ATP2B2: variants seen among roughly 807,000 people sequenced by gnomAD.
The protein encoded by ATP2B2 is plasma membrane calcium-transporting ATPase 2.
In ATP2B2, 15 loss-of-function variants were observed where a neutral mutation model predicts 120.0. The observed-to-expected ratio is 0.12, with a 90% CI of 0.08 to 0.19. ATP2B2 has a LOEUF of 0.19. Among genes scored for constraint, ATP2B2 ranks in the 10% least tolerant of loss-of-function variants. The pLI, the probability that ATP2B2 is intolerant of heterozygous loss-of-function variation, is 1.00. For missense variants in ATP2B2, 1,045 were observed against 1,719.8 expected (o/e 0.61, Z 6.94); for synonymous variants, 694 against 700.3 (o/e 0.99, Z 0.14).
intron 8 of ATP2B2, among the ~76,000 whole-genome samples, chr3:10,382,853 T>A (rs889982921): frequency 6.6e-6 from 1 of 151,926 alleles, no homozygotes; most frequent in Admixed American, 6.6e-5. Flanking sequence ...ACCCTAATTT[T>A]TTTTTTCCAT....
Position 10,449,837 on chromosome 3 carries a change from A to G in ATP2B2, c.-294T>C. On this transcript the variant is annotated 5_prime_UTR_variant, in exon 2 of 23. The change abolishes an upstream ATG in the 5' untranslated region. Coordinates refer to ENST00000360273, the MANE Select transcript of ATP2B2 (RefSeq NM_001001331.4). Reference sequence around the variant, plus strand: ...GCCCATGCTGCTCCCTGGAACTGGCATCTACATGGTCAGGGGTGGTGGCTC... The same window carrying G: ...GCCCATGCTGCTCCCTGGAACTGGCGTCTACATGGTCAGGGGTGGTGGCTC... 6.3e-6 allele frequency: 3 copies of G among 475,056 alleles called. No homozygotes were observed. The highest frequency in any genetic ancestry group is 1.2e-5 in the Non-Finnish European group (3 of 257,516). 29.4% of individuals were successfully genotyped at this position (475,056 alleles called of 1,614,324 possible). A position where few individuals can be genotyped will look rare whatever the true frequency, so the allele number is the denominator to read the frequency against.
Position 10,698,034 on chromosome 3 carries a change from T to C in ATP2B2, c.-460+9881A>G, listed in dbSNP as rs1325229090. 1.3e-5 allele frequency among the ~76,000 whole-genome samples: 2 copies of C among 152,200 alleles called. 1 individual carries two copies. Among genetic ancestry groups the C allele is most frequent in the East Asian group, 3.8e-4 (2 of 5,196 alleles). ...CTGCTCCCCAGTGGACACTCCCTCC[T>C]ACTTCCTGGCTGGCAGAGCCCTGAC... On this transcript the variant is annotated intron_variant, in intron 1 of 21. Transcript: ENST00000646379.
chr3:10,664,374 C>G (rs1344775394), intron 1 of ATP2B2, among the ~76,000 whole-genome samples: 1 of 152,178 alleles, frequency 6.6e-6, no homozygotes, highest in Non-Finnish European at 1.5e-5. Context: ...ACCTGCACCA[C>G]ATACCCCCTC....
chr3:10,424,042 G>A (rs1207503281), intron 2 of ATP2B2, among the ~76,000 whole-genome samples: 1 of 152,200 alleles, frequency 6.6e-6, no homozygotes, highest in East Asian at 1.9e-4. Flanking sequence ...GATCTCAAGT[G>A]GCTCCTTCAA....
chr3:10,374,694 G>A (rs2061335965), intron 11 of ATP2B2, among the ~76,000 whole-genome samples: 1 of 152,226 alleles, frequency 6.6e-6, no homozygotes, highest in South Asian at 2.1e-4. Flanking sequence ...CGCAGTGACT[G>A]GGCACTGCAG....
chr3:10,367,274 C>T (rs972695136), intron 12 of ATP2B2, among the ~76,000 whole-genome samples: 1 of 151,970 alleles, frequency 6.6e-6, no homozygotes, highest in Admixed American at 6.5e-5. Context: ...AATACTCTTG[C>T]CCCCTGCCTG....
intron 2 of ATP2B2, among the ~76,000 whole-genome samples, chr3:10,579,596 G>T (rs1408630170): frequency 6.6e-6 from 1 of 152,158 alleles, no homozygotes; most frequent in Non-Finnish European, 1.5e-5. Flanking sequence ...AGCACCTGAG[G>T]TCAGGAGTTC....
chr3:10,665,149 GC>G (rs1044040611), intron 1 of ATP2B2, among the ~76,000 whole-genome samples: 12 of 152,166 alleles, frequency 7.9e-5, no homozygotes, highest in African/African-American at 2.7e-4. Context: ...CCTGCTCTGA[GC>G]CCCCTGAAGC....
intron 2 of ATP2B2, among the ~76,000 whole-genome samples, chr3:10,441,727 G>A (rs570418460): frequency 2.6e-5 from 4 of 152,340 alleles, no homozygotes; most frequent in African/African-American, 9.6e-5. Flanking sequence ...GCACATACTA[G>A]GTGCATAACA....
intron 8 of ATP2B2, among the ~76,000 whole-genome samples, chr3:10,383,218 C>CACATTTTGAAT (rs1249675620): frequency 3.3e-5 from 5 of 151,898 alleles, no homozygotes; most frequent in Non-Finnish European, 5.9e-5. Context: ...GTCCTGTGAT[C>CACATTTTGAAT]ACATTTTGAA....
intron 1 of ATP2B2, among the ~76,000 whole-genome samples, chr3:10,484,107 G>C (rs1400561108): frequency 1.3e-5 from 2 of 152,196 alleles, no homozygotes; most frequent in Non-Finnish European, 2.9e-5. Context: ...GCGGGGTGCT[G>C]TCTAAGGTCT....
chr3:10,351,363 AC>A (rs1277448714), intron 14 of ATP2B2, among the ~76,000 whole-genome samples: 1 of 152,160 alleles, frequency 6.6e-6, no homozygotes, highest in African/African-American at 2.4e-5. Flanking sequence ...AGTGATTCTT[AC>A]CCGAGGGCAG....
At chr3:10,644,092 A>G (rs1346486145) in intron 1 of ATP2B2, among the ~76,000 whole-genome samples, 1 of 152,148 alleles carries the variant, frequency 6.6e-6, no homozygotes, top group Non-Finnish European at 1.5e-5. Context: ...AAGGCAAACA[A>G]CCCAATTTAA....
intron 2 of ATP2B2, among the ~76,000 whole-genome samples, chr3:10,610,137 A>ATG (rs1028906301): frequency 9.0e-6 from 1 of 111,286 alleles, no homozygotes; most frequent in African/African-American, 4.7e-5. Context: ...ATATATATAC[A>ATG]TGTATATATA....
At chr3:10,508,072 GT>G (rs1376324312), upstream of ATP2B2, among the ~76,000 whole-genome samples, 2 of 152,186 alleles carry the variant, frequency 1.3e-5, no homozygotes, top group Admixed American at 6.5e-5. Flanking sequence ...CTCTCAGGCA[GT>G]TGTGGATTTT....
At chr3:10,577,130 A>G (rs536721924) in intron 2 of ATP2B2, among the ~76,000 whole-genome samples, 16 of 151,712 alleles carry the variant, frequency 1.1e-4, no homozygotes, top group African/African-American at 3.1e-4. Context: ...TAGGAACTTG[A>G]TGGAAGTCCA....
At chr3:10,392,728 A>G (rs908404090) in intron 5 of ATP2B2, among the ~76,000 whole-genome samples, 8 of 152,242 alleles carry the variant, frequency 5.3e-5, no homozygotes, top group Non-Finnish European at 1.0e-4. Context: ...TGGACCCAGA[A>G]GAGGGCACCT....
At chr3:10,386,565 CT>C in intron 6 of ATP2B2, 53 bp from the exon 7 acceptor site, 1 of 1,599,862 alleles carries the variant, frequency 6.3e-7, no homozygotes, top group Non-Finnish European at 8.6e-7. Flanking sequence ...ACAGCCTCAT[CT>C]GCCCATGCGC....
intron 2 of ATP2B2, among the ~76,000 whole-genome samples, chr3:10,599,341 C>T (rs971231967): frequency 2.0e-5 from 3 of 152,192 alleles, no homozygotes; most frequent in Non-Finnish European, 4.4e-5. Flanking sequence ...CTGAGCACTC[C>T]ACCTTTGGCT....
Sources: allele counts gnomAD v4.1 joint callset (sites outside exome capture counted in the v4.1 genomes callset), GRCh38; gene constraint gnomAD v4.1.1; transcripts MANE v1.5; gene names NCBI Gene and HGNC (gene_info 2026-07-23, HGNC 2026-07-21).